The following PLS1 variants were observed in gnomAD, a reference collection of about 807,000 sequenced individuals.
PLS1 encodes the protein plastin-1.
In PLS1, 32 loss-of-function variants were observed where a neutral mutation model predicts 73.7. The observed-to-expected ratio is 0.43, with a 90% CI of 0.33 to 0.58. PLS1 has a LOEUF of 0.58. PLS1 is among the 20% of genes least tolerant of loss of function. PLS1 has a pLI of 0.04. For synonymous variants in PLS1, 217 were observed against 261.3 expected, an observed-to-expected ratio of 0.83 and a Z score of 1.63; for missense variants, 633 against 740.5, an observed-to-expected ratio of 0.85 and a Z score of 1.68.
At chr3:142,661,298 A>C (rs534297656) in intron 1 of PLS1, among the ~76,000 whole-genome samples, 6 of 152,248 alleles carry the variant, frequency 3.9e-5, no homozygotes, top group Non-Finnish European at 7.3e-5. Flanking sequence ...CTGGGGAGTA[A>C]GATGACTTCT....
chr3:142,647,498 CTTTTCTTTTT>C (rs1295061281), intron 1 of PLS1, among the ~76,000 whole-genome samples: 1 of 92,056 alleles, frequency 1.1e-5, no homozygotes, highest in African/African-American at 5.3e-5. Flanking sequence ...TTTTCTTTTT[CTTTTCTTTTT>C]TTTTTTTTTC....
At chr3:142,679,931 G>C (rs112969261) in intron 6 of PLS1, among the ~76,000 whole-genome samples, 1 of 152,074 alleles carries the variant, frequency 6.6e-6, no homozygotes, top group African/African-American at 2.4e-5. Flanking sequence ...CCATTTGTTT[G>C]TATCCTCTTT....
intron 10 of PLS1, among the ~76,000 whole-genome samples, chr3:142,691,583 G>A (rs990999971): frequency 6.6e-5 from 10 of 152,070 alleles, no homozygotes; most frequent in African/African-American, 2.4e-4. Flanking sequence ...ATTTTTCAGT[G>A]TGAATAGGAT....
chr3:142,610,038 T>G (rs776637185), intron 1 of PLS1, among the ~76,000 whole-genome samples: 10 of 152,132 alleles, frequency 6.6e-5, no homozygotes, highest in Non-Finnish European at 1.5e-4. Context: ...CCAGCTAATT[T>G]TTGTATTTTT....
chr3:142,617,897 G>T (rs188879809), intron 1 of PLS1, among the ~76,000 whole-genome samples: 1 of 152,296 alleles, frequency 6.6e-6, no homozygotes, highest in East Asian at 1.9e-4. Context: ...AGAATAGCTT[G>T]AACCCAGGAG....
intron 1 of PLS1, among the ~76,000 whole-genome samples, chr3:142,649,978 C>T (rs1328431610): frequency 6.6e-6 from 1 of 152,110 alleles, no homozygotes; most frequent in Admixed American, 6.6e-5. Flanking sequence ...ACTTGCCTCC[C>T]ATTTTCTTCA....
At chr3:142,688,253 T>A (rs542667121) in intron 9 of PLS1, among the ~76,000 whole-genome samples, 4 of 152,314 alleles carry the variant, frequency 2.6e-5, no homozygotes, top group African/African-American at 9.6e-5. Flanking sequence ...CAGCCACATA[T>A]TGTCATTTTT....
chr3:142,678,182 G>A (rs1404321640), intron 6 of PLS1, 69 bp downstream of exon 6: 2 of 687,392 alleles, frequency 2.9e-6, no homozygotes, highest in African/African-American at 3.8e-5. Flanking sequence ...ATTAATGAAT[G>A]CTTGGACCCA....
intron 1 of PLS1, among the ~76,000 whole-genome samples, chr3:142,645,789 A>C (rs1015548369): frequency 9.9e-5 from 15 of 152,214 alleles, no homozygotes; most frequent in Non-Finnish European, 2.1e-4. Context: ...TCAGAGGAAA[A>C]AAATATGATT....
intron 10 of PLS1, among the ~76,000 whole-genome samples, chr3:142,691,021 G>A (rs1054279685): frequency 6.6e-6 from 1 of 152,064 alleles, no homozygotes; most frequent in Non-Finnish European, 1.5e-5. Flanking sequence ...CGGTATTCAT[G>A]ATCTCAGTGT....
chr3:142,605,530 C>T (rs1411126567), intron 1 of PLS1, among the ~76,000 whole-genome samples: 1 of 152,116 alleles, frequency 6.6e-6, no homozygotes, highest in African/African-American at 2.4e-5. Flanking sequence ...GCCACCATGC[C>T]CAGCTAATTT....
At chr3:142,599,255 C>T (rs2035869116) in intron 1 of PLS1, among the ~76,000 whole-genome samples, 1 of 149,524 alleles carries the variant, frequency 6.7e-6, no homozygotes, top group Non-Finnish European at 1.5e-5. Flanking sequence ...CATTTAGGAT[C>T]TTAGAGCTAT....
intron 1 of PLS1, among the ~76,000 whole-genome samples, chr3:142,630,970 C>CACACAT (rs1388284832): frequency 6.6e-6 from 1 of 151,738 alleles, no homozygotes; most frequent in Non-Finnish European, 1.5e-5. Flanking sequence ...CACACACACA[C>CACACAT]ACATAGAGGG....
intron 1 of PLS1, among the ~76,000 whole-genome samples, chr3:142,648,219 AAGAACGGCTGTGAGAGAAT>A (rs1560047719): frequency 6.6e-6 from 1 of 152,176 alleles, no homozygotes; most frequent in East Asian, 1.9e-4. Flanking sequence ...AGTGGGGGTA[AAGAACGGCTGTGAGAGAAT>A]AGAGTTTCTA....
chr3:142,634,222 C>T (rs891821474), intron 1 of PLS1, among the ~76,000 whole-genome samples: 7 of 152,048 alleles, frequency 4.6e-5, no homozygotes, highest in Non-Finnish European at 1.0e-4. Context: ...CTTATGTTCC[C>T]TGAAGGAGGA....
At position 142,678,734 on chromosome 3, in the gene PLS1, C is replaced by T. The variant is rs535255931; in HGVS notation, c.579+621C>T. Among the ~76,000 whole-genome samples, 8 of 151,730 alleles carry T rather than the reference C, an allele frequency of 5.3e-5. No homozygotes were observed. In the South Asian group the frequency reaches 1.0e-3, roughly 20 times the overall value. On this transcript the variant is annotated intron_variant, in intron 6 of 15. Coordinates refer to ENST00000457734, the MANE Select transcript of PLS1 (RefSeq NM_001145319.2). ...TGTGAATACTGCTGCAATAAACATA[C>T]GTGTGCATGTGTCTTTATAGCAGCA...
intron 1 of PLS1, among the ~76,000 whole-genome samples, chr3:142,644,776 G>C (rs527477636): frequency 6.6e-6 from 1 of 152,276 alleles, no homozygotes; most frequent in East Asian, 1.9e-4. Flanking sequence ...ATCTAATAAT[G>C]AGGTAATGGA....
chr3:142,633,460 A>T (rs2036609935), intron 1 of PLS1, among the ~76,000 whole-genome samples: 1 of 152,226 alleles, frequency 6.6e-6, no homozygotes. Context: ...GTTCGAGATC[A>T]GCCTGGCCAA....
intron 13 of PLS1, 106 bp downstream of exon 13, chr3:142,704,107 C>G (rs2038398445): frequency 4.8e-6 from 4 of 825,360 alleles, no homozygotes; most frequent in Non-Finnish European, 7.5e-6. Context: ...AAGAAATATA[C>G]AATGCAAAAT....
Sources: allele counts gnomAD v4.1 joint callset (sites outside exome capture counted in the v4.1 genomes callset), GRCh38; gene constraint gnomAD v4.1.1; transcripts MANE v1.5; gene names NCBI Gene and HGNC (gene_info 2026-07-23, HGNC 2026-07-21).